BRCC3: variants seen among roughly 807,000 people sequenced by gnomAD.
BRCC3 encodes the protein lys-63-specific deubiquitinase BRCC36.
In BRCC3, 15 loss-of-function variants were observed where a neutral mutation model predicts 28.0. The ratio of observed to expected loss-of-function variants is 0.54; its 90% CI spans 0.36 to 0.82. BRCC3 has a LOEUF of 0.82. BRCC3 is among the 40% of genes least tolerant of loss of function. BRCC3 has a pLI of 0.01. For synonymous variants in BRCC3, 66 were observed against 80.3 expected (o/e 0.82, Z 0.95); for missense variants, 109 against 225.9 (o/e 0.48, Z 3.32).
chrX:155,086,300 G>A lies in BRCC3; in HGVS notation c.404-2963G>A, dbSNP rs12007412. 8.2e-3 allele frequency among the ~76,000 whole-genome samples: 918 copies of A among 111,383 alleles called. 12 individuals carry two copies. Among genetic ancestry groups the A allele is most frequent in the African/African-American group, 0.028 (864 of 30,606 alleles). On this transcript the variant is annotated intron_variant, in intron 5 of 10. Coordinates refer to ENST00000330045, the MANE Select transcript of BRCC3 (RefSeq NM_001018055.3). ...TGGCTTTTAACAGCAACATGCATGC[G>A]ATGTCCACATTGTGCACCCAGTCTT...
At chrX:155,097,753 C>A (rs2074219687) in intron 7 of BRCC3, among the ~76,000 whole-genome samples, 1 of 112,333 alleles carries the variant, frequency 8.9e-6, no homozygotes, top group South Asian at 3.7e-4. Flanking sequence ...TTCAGCAGTT[C>A]CACTTTTTGG....
At chrX:155,111,373 A>G (rs1313091333) in intron 7 of BRCC3, among the ~76,000 whole-genome samples, 1 of 111,890 alleles carries the variant, frequency 8.9e-6, no homozygotes, top group Non-Finnish European at 1.9e-5. Flanking sequence ...AGAGTTTCAG[A>G]GAACTGTAGA....
chrX:155,084,553 T>C (rs1052433323), intron 5 of BRCC3, among the ~76,000 whole-genome samples: 26 of 111,527 alleles, frequency 2.3e-4, no homozygotes, highest in Admixed American at 1.9e-4. Flanking sequence ...TTAGTAGAGA[T>C]GGGGTTTCAC....
chrX:155,114,735 TAA>T (rs35853303), intron 7 of BRCC3, among the ~76,000 whole-genome samples: 4 of 102,873 alleles, frequency 3.9e-5, no homozygotes, highest in South Asian at 4.4e-4. Flanking sequence ...AGCAAAGAGT[TAA>T]AAAAAAAAAG....
At chrX:155,106,328 A>G (rs2074284649) in intron 7 of BRCC3, among the ~76,000 whole-genome samples, 1 of 111,688 alleles carries the variant, frequency 9.0e-6, no homozygotes, top group Non-Finnish European at 1.9e-5. Context: ...CTATTTCTGT[A>G]TGTAAATTTT....
intron 7 of BRCC3, among the ~76,000 whole-genome samples, chrX:155,102,899 A>G (rs1310338614): frequency 9.0e-6 from 1 of 111,713 alleles, no homozygotes; most frequent in Admixed American, 9.5e-5. Flanking sequence ...GTCTGTCAAC[A>G]TTGGCACTAT....
intron 5 of BRCC3, among the ~76,000 whole-genome samples, chrX:155,083,392 G>T (rs782238963): frequency 8.9e-6 from 1 of 111,843 alleles, no homozygotes; most frequent in South Asian, 3.8e-4. Context: ...GAGAAAACAG[G>T]AACCATTAGA....
chrX:155,085,836 C>CTT (rs1465635649), intron 5 of BRCC3, among the ~76,000 whole-genome samples: 1 of 111,921 alleles, frequency 8.9e-6, no homozygotes, highest in African/African-American at 3.2e-5. Context: ...CCACGGAGAT[C>CTT]TTTACCAATT....
At chrX:155,073,318 A>T in intron 2 of BRCC3, 59 bp from the exon 3 acceptor site, 13 of 1,120,559 alleles carry the variant, frequency 1.2e-5, no homozygotes, top group Non-Finnish European at 1.5e-5. Context: ...TTTTGCTTTA[A>T]TTCCTTTTTA....
intron 10 of BRCC3, among the ~76,000 whole-genome samples, chrX:155,120,815 C>G (rs1557299329): frequency 5.4e-5 from 6 of 111,577 alleles, no homozygotes; most frequent in Admixed American, 4.7e-4. Context: ...TCTCCAGAAA[C>G]ATTTAGGATT....
At chrX:155,078,803 C>A in intron 5 of BRCC3, 100 bp downstream of exon 5, 1 of 498,234 alleles carries the variant, frequency 2.0e-6, no homozygotes, top group Non-Finnish European at 3.3e-6. Flanking sequence ...CAAAATTTGA[C>A]TGTCCTTTAG....
At chrX:155,099,408 G>A (rs1557296639) in intron 7 of BRCC3, 1 of 1,204,165 alleles carries the variant, frequency 8.3e-7, no homozygotes, top group East Asian at 3.0e-5. Context: ...GCAAAAAGGG[G>A]CCTGTCCCCC....
At position 155,073,322 on chromosome X, in the gene BRCC3, CT is replaced by C. The variant is rs782799702; in HGVS notation, c.141-50del. The C allele has an allele frequency of 2.1e-5, 24 of 1,130,374 alleles. No homozygotes were observed. In the African/African-American group the frequency reaches 3.7e-4, roughly 17 times the overall value. 93.2% of individuals were successfully genotyped at this position (1,130,374 alleles called of 1,213,427 possible). A position where few individuals can be genotyped will look rare whatever the true frequency, so the allele number is the denominator to read the frequency against. On this transcript the variant is annotated intron_variant, in intron 2 of 10. Transcript: ENST00000330045. ...TAATCCTGTTATTTTGCTTTAATTC[CT>C]TTTTATATTCCAAACCCCACTTCCT...
intron 3 of BRCC3, among the ~76,000 whole-genome samples, chrX:155,075,976 G>T (rs895684799): frequency 1.8e-5 from 2 of 111,681 alleles, no homozygotes; most frequent in African/African-American, 6.5e-5. Context: ...AATAATCAAG[G>T]AATGGATACA....
At chrX:155,073,268 C>T in intron 2 of BRCC3, 109 bp from the exon 3 acceptor site, 1 of 900,537 alleles carries the variant, frequency 1.1e-6, no homozygotes, top group South Asian at 2.4e-5. Context: ...CTTCTTTGGT[C>T]TCTGCTAAGA....
intron 9 of BRCC3, among the ~76,000 whole-genome samples, chrX:155,119,178 A>G (rs919040564): frequency 2.7e-5 from 3 of 112,255 alleles, no homozygotes; most frequent in African/African-American, 9.7e-5. Context: ...TCACCTTTTC[A>G]AAGATTAAAT....
At chrX:155,089,564 C>G (rs2074161393) in intron 6 of BRCC3, among the ~76,000 whole-genome samples, 1 of 111,600 alleles carries the variant, frequency 9.0e-6, no homozygotes, top group Non-Finnish European at 1.9e-5. Flanking sequence ...AGGAAATAGC[C>G]AGTCCAAAGA....
chrX:155,082,395 G>A (rs184767147), intron 5 of BRCC3, among the ~76,000 whole-genome samples: 32 of 112,210 alleles, frequency 2.9e-4, no homozygotes, highest in East Asian at 1.7e-3. Flanking sequence ...GCAGTGGAGC[G>A]TGGAGGGGAC....
At chrX:155,075,938 T>C (rs1270888193) in intron 3 of BRCC3, among the ~76,000 whole-genome samples, 1 of 112,232 alleles carries the variant, frequency 8.9e-6, no homozygotes, top group Non-Finnish European at 1.9e-5. Flanking sequence ...TCGGCACCTG[T>C]AGAAAATCTG....
Sources: allele counts gnomAD v4.1 joint callset (sites outside exome capture counted in the v4.1 genomes callset), GRCh38; gene constraint gnomAD v4.1.1; transcripts MANE v1.5; gene names NCBI Gene and HGNC (gene_info 2026-07-23, HGNC 2026-07-21).